Variants in ZCCHC24 observed in about 807,000 individuals in gnomAD.
The protein encoded by ZCCHC24 is zinc finger CCHC domain-containing protein 24.
ZCCHC24 carries 10 observed loss-of-function variants against 26.2 expected under a neutral mutation model. The ratio of observed to expected loss-of-function variants is 0.38; its 90% CI spans 0.24 to 0.65. ZCCHC24 has a LOEUF of 0.65. Among genes scored for constraint, ZCCHC24 ranks in the 30% least tolerant of loss-of-function variants. The pLI is 0.54. For missense variants in ZCCHC24, 243 were observed against 329.1 expected (o/e 0.74, Z 2.03); for synonymous variants, 144 against 147.1 (o/e 0.98, Z 0.15).
chr10:79,401,019 T>A (rs566994125), intron 2 of ZCCHC24, among the ~76,000 whole-genome samples: 34 of 152,354 alleles, frequency 2.2e-4, no homozygotes, highest in Non-Finnish European at 4.0e-4. Flanking sequence ...TGAGTCCCTT[T>A]TGCACAGAGG....
chr10:79,412,812 G>C (rs947902228), intron 2 of ZCCHC24, among the ~76,000 whole-genome samples: 1 of 152,338 alleles, frequency 6.6e-6, no homozygotes, highest in African/African-American at 2.4e-5. Flanking sequence ...TCTGAGCCTT[G>C]GTTTCCCCCG....
chr10:79,404,689 A>G (rs1412949135), intron 2 of ZCCHC24, among the ~76,000 whole-genome samples: 2 of 152,166 alleles, frequency 1.3e-5, no homozygotes, highest in Admixed American at 6.5e-5. Flanking sequence ...CTCCTGCTGC[A>G]GTCACCGCCT....
intron 2 of ZCCHC24, among the ~76,000 whole-genome samples, chr10:79,413,446 G>A (rs953431527): frequency 2.6e-5 from 4 of 152,242 alleles, no homozygotes; most frequent in Admixed American, 6.5e-5. Context: ...GGCAGGAAAC[G>A]GCCAGGAGGT....
chr10:79,434,168 G>A (rs556599037), intron 1 of ZCCHC24, among the ~76,000 whole-genome samples: 1 of 152,312 alleles, frequency 6.6e-6, no homozygotes, highest in South Asian at 2.1e-4. Flanking sequence ...GATGCGGAAG[G>A]AAAGACACAG....
chr10:79,403,623 G>A, intron 2 of ZCCHC24: 1 of 984,184 alleles, frequency 1.0e-6, no homozygotes, highest in Non-Finnish European at 1.2e-6. Flanking sequence ...GAGCCTCAAG[G>A]GCCTCCTTGT....
At chr10:79,422,760 G>A (rs898171383) in intron 2 of ZCCHC24, among the ~76,000 whole-genome samples, 2 of 152,128 alleles carry the variant, frequency 1.3e-5, no homozygotes, top group Non-Finnish European at 2.9e-5. Flanking sequence ...GACCTCTCGC[G>A]GCGCCCTGTT....
At chr10:79,394,745 A>G in intron 2 of ZCCHC24, 1 of 689,876 alleles carries the variant, frequency 1.4e-6, no homozygotes, top group South Asian at 6.5e-5. Flanking sequence ...CTTAACTCAC[A>G]CGTCATCAAG....
In ZCCHC24 at chr10:79,437,704, C is replaced by T. The variant is rs376878832; in HGVS notation, c.247-4946G>A. Among the ~76,000 whole-genome samples, 33 of 152,316 alleles carry T rather than the reference C, an allele frequency of 2.2e-4. No individual in the cohort carries two copies. The South Asian group carries it at 5.4e-3, about 25-fold the overall frequency. ...GCAAGATGAAGGACCAGTGTCTCTG[C>T]GCTGCATGAGGGGTGCAGGCCCTGG... On this transcript the variant is annotated intron_variant, in intron 1 of 3. Transcript: ENST00000372336.
Position 79,445,429 on chromosome 10 carries a change from C to T in ZCCHC24, c.12G>A (p.Leu4=). Residue 4 remains leucine, a synonymous_variant, in exon 1 of 4, where the codon CTG becomes CTA. Coordinates refer to ENST00000372336, the MANE Select transcript of ZCCHC24 (RefSeq NM_153367.4). MSL[L]SAIDTSAASV... is the part of the protein sequence containing the mutation. ...AGGCGGCGCTCGTGTCGATGGCCGA[C>T]AGCAGGCTCATTTTGTGGCGGCGGT... The T allele has an allele frequency of 6.8e-7, 1 of 1,467,630 alleles. No individual in the cohort carries two copies. The highest frequency in any genetic ancestry group is 9.1e-7 in the Non-Finnish European group (1 of 1,104,032). The allele number at this position is 1,467,630 out of a possible 1,614,324, so 90.9% of individuals were successfully genotyped here.
At chr10:79,409,576 G>A (rs1856763790) in intron 2 of ZCCHC24, among the ~76,000 whole-genome samples, 1 of 152,224 alleles carries the variant, frequency 6.6e-6, no homozygotes, top group Non-Finnish European at 1.5e-5. Context: ...GTGACCATTT[G>A]GACATGACTA....
intron 2 of ZCCHC24, among the ~76,000 whole-genome samples, chr10:79,405,823 T>G (rs1441366112): frequency 6.6e-6 from 1 of 152,182 alleles, no homozygotes; most frequent in Non-Finnish European, 1.5e-5. Flanking sequence ...AGAAAAGAAA[T>G]CTGATCTGCC....
At chr10:79,427,158 T>C (rs1293393814) in intron 2 of ZCCHC24, among the ~76,000 whole-genome samples, 2 of 151,684 alleles carry the variant, frequency 1.3e-5, no homozygotes, top group African/African-American at 2.4e-5. Context: ...ACTATAAACA[T>C]AGGTGTACCT....
chr10:79,435,485 C>T (rs1857203571), intron 1 of ZCCHC24, among the ~76,000 whole-genome samples: 1 of 152,208 alleles, frequency 6.6e-6, no homozygotes, highest in Admixed American at 6.5e-5. Context: ...CGCAGCCTTG[C>T]CCCTGCCCCA....
chr10:79,416,599 C>CATCAG (rs1488008647), intron 2 of ZCCHC24, among the ~76,000 whole-genome samples: 5 of 152,204 alleles, frequency 3.3e-5, no homozygotes, highest in Non-Finnish European at 7.3e-5. Context: ...CAGTGATGTG[C>CATCAG]TGGTACATGG....
chr10:79,408,607 G>T (rs552224453), intron 2 of ZCCHC24, among the ~76,000 whole-genome samples: 1 of 152,316 alleles, frequency 6.6e-6, no homozygotes, highest in African/African-American at 2.4e-5. Flanking sequence ...CGGAAGAAAA[G>T]TAAGTATCCC....
chr10:79,392,822 T>G (rs1331621231), intron 3 of ZCCHC24, among the ~76,000 whole-genome samples: 2 of 152,262 alleles, frequency 1.3e-5, no homozygotes, highest in Non-Finnish European at 2.9e-5. Context: ...CTTCTGTGCT[T>G]CTCAAACCTT....
At chr10:79,445,173 G>GGTGGGCA in intron 1 of ZCCHC24, 22 bp downstream of exon 1, 2 of 974,132 alleles carry the variant, frequency 2.1e-6, no homozygotes, top group Non-Finnish European at 1.3e-6. Context: ...GGCGGTGGGC[G>GGTGGGCA]GGGGCGCGCG....
chr10:79,413,398 C>T (rs1025019940), intron 2 of ZCCHC24, among the ~76,000 whole-genome samples: 2 of 152,224 alleles, frequency 1.3e-5, no homozygotes, highest in African/African-American at 2.4e-5. Context: ...GGCGGGCACC[C>T]GTCCTGGGGG....
rs1253675549 is a variant in ZCCHC24, at chr10:79,432,621, G to C, written c.384C>G (p.Pro128=). 1 of 1,608,868 alleles carries C rather than the reference G, an allele frequency of 6.2e-7. No homozygotes were observed. Among genetic ancestry groups the C allele is most frequent in the Non-Finnish European group, 8.5e-7 (1 of 1,177,506 alleles). The part of the protein sequence containing the change: ...TSEARKPSKR[P]PPNYLCHLCF... ...ACAGGTGGCACAGGTAGTTGGGTGGGGGCCGCTTGCTGGGCTTGCGAGCCT... is the reference window on the plus strand; with the variant it reads ...ACAGGTGGCACAGGTAGTTGGGTGGCGGCCGCTTGCTGGGCTTGCGAGCCT... The change falls in exon 2 of 4, where the codon CCC becomes CCG. Residue 128 remains proline, a synonymous_variant. Transcript: ENST00000372336.
Sources: gnomAD v4.1 joint callset for allele counts (sites outside exome capture counted in the v4.1 genomes callset) on GRCh38, gnomAD v4.1.1 for gene constraint, MANE v1.5 for transcripts, NCBI Gene and HGNC (gene_info 2026-07-23, HGNC 2026-07-21) for gene names.